CSGALNACT2: variants seen among roughly 807,000 people sequenced by gnomAD.
The protein encoded by CSGALNACT2 is chondroitin sulfate N-acetylgalactosaminyltransferase 2.
CSGALNACT2 carries 35 observed loss-of-function variants against 55.3 expected under a neutral mutation model. The observed-to-expected ratio is 0.63, with a 90% confidence interval of 0.48 to 0.84. The LOEUF (loss-of-function observed/expected upper bound fraction) is 0.84. CSGALNACT2 is among the 40% of genes least tolerant of loss of function. The pLI, the probability that CSGALNACT2 is intolerant of heterozygous loss-of-function variation, is 0.00. For synonymous variants in CSGALNACT2, 196 were observed against 224.9 expected, an observed-to-expected ratio of 0.87 and a Z score of 1.15; for missense variants, 544 against 657.5, an observed-to-expected ratio of 0.83 and a Z score of 1.89.
At position 43,184,003 on chromosome 10, in the gene CSGALNACT2, G is replaced by T; in HGVS notation, c.*461G>T. On this transcript the variant is annotated 3_prime_UTR_variant, in exon 8 of 8. Transcript: ENST00000374466. ...GCCCCTGAGTCAGCCTCCTTGACTT[G>T]ATAGCTTGAAGAATCCTTTTCCACT... The T allele has an allele frequency of 6.4e-6, 1 of 157,248 alleles. No individual in the cohort carries two copies. The highest frequency in any genetic ancestry group is 1.9e-4 in the South Asian group (1 of 5,202). 9.7% of individuals were successfully genotyped at this position (157,248 alleles called of 1,614,324 possible). A position where few individuals can be genotyped will look rare whatever the true frequency, so the allele number is the denominator to read the frequency against.
chr10:43,140,591 G>A lies in CSGALNACT2; in HGVS notation c.-254+2024G>A, dbSNP rs542525378. 1.7e-4 allele frequency among the ~76,000 whole-genome samples: 26 copies of A among 152,310 alleles called. No individual in the cohort carries two copies. The East Asian group carries it at 5.0e-3, about 29-fold the overall frequency. ...GAGCTGGTGAGGATCTGACTCTGAA[G>A]TTTAGCATAACATTTACTTAAGAAC... On this transcript the variant is annotated intron_variant, in intron 1 of 7. Transcript: ENST00000374466.
rs1839390547 is a variant in CSGALNACT2, at chr10:43,171,952, A to G, written c.1255-3999A>G. ...TCAGCCTTACTAGGAATAATTTAGAACAGCAGTATAATGCTTTGTTTCTGC... is the reference window on the plus strand; with the variant it reads ...TCAGCCTTACTAGGAATAATTTAGAGCAGCAGTATAATGCTTTGTTTCTGC... On this transcript the variant is annotated intron_variant, in intron 6 of 7. Transcript: ENST00000374466. Among the ~76,000 whole-genome samples, 3 of 152,362 alleles carry G rather than the reference A, an allele frequency of 2.0e-5. No homozygotes were observed. In the South Asian group the frequency reaches 6.2e-4, roughly 32 times the overall value.
chr10:43,153,195 C>T (rs1205521293), intron 1 of CSGALNACT2, among the ~76,000 whole-genome samples: 2 of 151,868 alleles, frequency 1.3e-5, no homozygotes, highest in African/African-American at 2.4e-5. Context: ...ATTAGCCGGG[C>T]GTGGTGGCCG....
chr10:43,144,523 A>G (rs1838700546), intron 1 of CSGALNACT2, among the ~76,000 whole-genome samples: 1 of 151,642 alleles, frequency 6.6e-6, no homozygotes, highest in Non-Finnish European at 1.5e-5. Context: ...ATGCAAATTC[A>G]TAATCAACAA....
intron 3 of CSGALNACT2, 146 bp downstream of exon 3, chr10:43,159,077 C>CT (rs1839087625): frequency 3.3e-6 from 2 of 604,696 alleles, no homozygotes; most frequent in African/African-American, 1.9e-5. Flanking sequence ...TATATTCTCT[C>CT]TTTTTTTAAA....
At chr10:43,164,106 T>A in intron 5 of CSGALNACT2, 62 bp downstream of exon 5, 1 of 1,357,104 alleles carries the variant, frequency 7.4e-7, no homozygotes, top group Non-Finnish European at 1.0e-6. Context: ...GCATGTCCTA[T>A]AGTTTGAATC....
chr10:43,176,788 A>G (rs1477258328), intron 7 of CSGALNACT2, among the ~76,000 whole-genome samples: 1 of 152,082 alleles, frequency 6.6e-6, no homozygotes, highest in Non-Finnish European at 1.5e-5. Context: ...GCTGGTCTTG[A>G]ACTCCTGGGT....
At chr10:43,174,330 A>G (rs987741794) in intron 6 of CSGALNACT2, among the ~76,000 whole-genome samples, 2 of 152,102 alleles carry the variant, frequency 1.3e-5, no homozygotes, top group Non-Finnish European at 2.9e-5. Context: ...TACAGCAGCA[A>G]TTTCAGACTG....
Position 43,155,444 on chromosome 10 carries a change from A to G in CSGALNACT2, c.295A>G (p.Arg99Gly), listed in dbSNP as rs781479052. 6 of 1,614,252 alleles carry G rather than the reference A, an allele frequency of 3.7e-6. No homozygotes were observed. In the East Asian group the frequency reaches 1.1e-4, roughly 30 times the overall value. ...MSEKMRSLQE[R>G]RNVGANGIGY... ...TGAGAAGATGCGGTCACTGCAAGAAAGAAGGAATGTAGGGGCTAATGGCAT... is the reference window on the plus strand; with the variant it reads ...TGAGAAGATGCGGTCACTGCAAGAAGGAAGGAATGTAGGGGCTAATGGCAT... Residue 99 changes from arginine (R) to glycine (G), a missense_variant, in exon 2 of 8, where the codon AGA (arginine) becomes GGA (glycine). Physicochemically the swap from Arg to Gly is moderately radical, Grantham distance 125 (BLOSUM62 -2). Transcript: ENST00000374466.
At chr10:43,172,609 T>C (rs1169962955) in intron 6 of CSGALNACT2, among the ~76,000 whole-genome samples, 1 of 152,236 alleles carries the variant, frequency 6.6e-6, no homozygotes, top group Non-Finnish European at 1.5e-5. Flanking sequence ...ACACTGCCTC[T>C]GTTATATTAA....
rs192041933 is a variant in CSGALNACT2, at chr10:43,170,295, T to A, written c.1254+3197T>A. Among the ~76,000 whole-genome samples, 21 of 152,306 alleles carry A rather than the reference T, an allele frequency of 1.4e-4. No homozygotes were observed. In the East Asian group the frequency reaches 3.3e-3, roughly 24 times the overall value. On this transcript the variant is annotated intron_variant, in intron 6 of 7. Coordinates refer to ENST00000374466, the MANE Select transcript of CSGALNACT2 (RefSeq NM_018590.5). Reference sequence around the variant, plus strand: ...TTCCAAATCTTAGTTTCTAATACTATTCTCCAATCAAACGAGCCAGAGGTC... The same window carrying A: ...TTCCAAATCTTAGTTTCTAATACTAATCTCCAATCAAACGAGCCAGAGGTC...
Position 43,138,545 on chromosome 10 carries a change from G to GGA in CSGALNACT2, c.-274_-273dup, listed in dbSNP as rs1838543954. Reference sequence around the variant, plus strand: ...GTGTCCCCGCGGCGCAGGAGGCGGTGGAGCGCAGAGCGGGCGAGCGCGGTG... The same window carrying GGA: ...GTGTCCCCGCGGCGCAGGAGGCGGTGGAGAGCGCAGAGCGGGCGAGCGCGGTG... On this transcript the variant is annotated 5_prime_UTR_variant, in exon 1 of 8. Coordinates refer to ENST00000374466, the MANE Select transcript of CSGALNACT2 (RefSeq NM_018590.5). 6.6e-6 allele frequency: 1 copy of GGA among 150,570 alleles called. No individual in the cohort carries two copies. Among genetic ancestry groups the GGA allele is most frequent in the African/African-American group, 2.4e-5 (1 of 41,262 alleles). The allele number at this position is 150,570 out of a possible 1,614,324, so 9.3% of individuals were successfully genotyped here.
chr10:43,152,994 A>G lies in CSGALNACT2; in HGVS notation c.-253-1903A>G, dbSNP rs146104612. Among the ~76,000 whole-genome samples, 35 of 152,010 alleles carry G rather than the reference A, an allele frequency of 2.3e-4. No individual in the cohort carries two copies. In the East Asian group the frequency reaches 6.2e-3, roughly 27 times the overall value. On this transcript the variant is annotated intron_variant, in intron 1 of 7. Transcript: ENST00000374466. ...TAGATGGTATTTCTTAAAGCCAACT[A>G]TTTTTTTTCTGTTTTTTTCTACATC...
chr10:43,169,171 C>G (rs1359683673), intron 6 of CSGALNACT2, among the ~76,000 whole-genome samples: 1 of 152,138 alleles, frequency 6.6e-6, no homozygotes, highest in Admixed American at 6.5e-5. Context: ...TAGCGCATTC[C>G]CCCTGAGACC....
chr10:43,140,802 G>A (rs961355724), intron 1 of CSGALNACT2, among the ~76,000 whole-genome samples: 5 of 152,204 alleles, frequency 3.3e-5, no homozygotes, highest in African/African-American at 1.2e-4. Context: ...ATTCACAGCA[G>A]GAGTACAGTG....
At chr10:43,154,803 T>C (rs2133110212) in intron 1 of CSGALNACT2, 94 bp from the exon 2 acceptor site, 1 of 217,374 alleles carries the variant, frequency 4.6e-6, no homozygotes, top group East Asian at 1.1e-4. Context: ...TCTCTGCATG[T>C]AGTAGTCACG....
chr10:43,183,289 A>T lies in CSGALNACT2; in HGVS notation c.1376A>T (p.Asp459Val). 6.2e-7 allele frequency: 1 copy of T among 1,613,804 alleles called. No individual in the cohort carries two copies. The highest frequency in any genetic ancestry group is 8.5e-7 in the Non-Finnish European group (1 of 1,179,734). Residue 459 changes from aspartate (D) to valine (V), a missense_variant, in exon 8 of 8, where the codon GAT becomes GTT. Asp to Val is a radical substitution (Grantham distance 152, BLOSUM62 -3). Transcript: ENST00000374466. ...GAAGTGAAAGGTTGGGGTGGAGAAGATGTTCATCTTTATCGAAAATACTTA... is the reference window on the plus strand; with the variant it reads ...GAAGTGAAAGGTTGGGGTGGAGAAGTTGTTCATCTTTATCGAAAATACTTA... ...DMEVKGWGGEDVHLYRKYLHG... is the reference protein window; with the variant it reads ...DMEVKGWGGEVVHLYRKYLHG...
chr10:43,149,677 G>A (rs1040183793), intron 1 of CSGALNACT2, among the ~76,000 whole-genome samples: 9 of 152,082 alleles, frequency 5.9e-5, no homozygotes, highest in African/African-American at 9.7e-5. Flanking sequence ...TCTGGATTTG[G>A]TAGCAGGATG....
chr10:43,183,229 G>T, intron 7 of CSGALNACT2, 21 bp from the exon 8 acceptor site: 1 of 1,585,606 alleles, frequency 6.3e-7, no homozygotes, highest in African/African-American at 1.3e-5. Context: ...GTTATTTATA[G>T]TGTCAATTTT....
Sources: allele counts gnomAD v4.1 joint callset (sites outside exome capture counted in the v4.1 genomes callset), GRCh38; gene constraint gnomAD v4.1.1; transcripts MANE v1.5; gene names NCBI Gene and HGNC (gene_info 2026-07-23, HGNC 2026-07-21).